Variants in PSME4 observed in about 807,000 individuals in gnomAD.
PSME4 encodes proteasome activator complex subunit 4.
Under a neutral mutation model 253.9 loss-of-function variants are expected in PSME4, and 89 were observed. That is an observed-to-expected ratio of 0.35 (90% confidence interval 0.30 to 0.42). The LOEUF is 0.42. Among genes scored for constraint, PSME4 ranks in the 10% least tolerant of loss-of-function variants. PSME4 has a pLI of 1.00. For missense variants in PSME4, 2,014 were observed against 2,195.2 expected, an observed-to-expected ratio of 0.92 and a Z score of 1.65; for synonymous variants, 851 against 759.2, an observed-to-expected ratio of 1.12 and a Z score of -1.99.
At chr2:53,919,713 T>C (rs1014337436) in intron 19 of PSME4, among the ~76,000 whole-genome samples, 1 of 152,232 alleles carries the variant, frequency 6.6e-6, no homozygotes, top group African/African-American at 2.4e-5. Flanking sequence ...AAATTTGTGG[T>C]GTTTGATACA....
In PSME4 at chr2:53,949,222, A is replaced by G. The variant is rs1344608307; in HGVS notation, c.304T>C (p.Leu102=). Reference sequence around the variant, plus strand: ...TTTGGAATTGATACCAGCTCATACAATAACTTAATAAAAAGAACATGATCT... The same window carrying G: ...TTTGGAATTGATACCAGCTCATACAGTAACTTAATAAAAAGAACATGATCT... ...KEDHVLFIKL[L]YELVSIPKLE... is the part of the protein sequence containing the mutation. The change falls in exon 2 of 47, where the codon TTG becomes CTG. Residue 102 remains leucine (L), a synonymous_variant. Transcript: ENST00000404125. 1 of 1,611,538 alleles carries G rather than the reference A, an allele frequency of 6.2e-7. No homozygotes were observed. Among genetic ancestry groups the G allele is most frequent in the Non-Finnish European group, 8.5e-7 (1 of 1,178,732 alleles).
At position 53,892,914 on chromosome 2, in the gene PSME4, G is replaced by C. The variant is rs563682652; in HGVS notation, c.4085C>G (p.Pro1362Arg). The change falls in exon 36 of 47, where the codon CCC becomes CGC. Residue 1362 changes from proline to arginine, a missense_variant. Around this residue, in one of 4 missense-constraint regions of PSME4, gnomAD observed 989 missense variants for 1,021.1 expected, o/e 0.97. Coordinates refer to ENST00000404125, the MANE Select transcript of PSME4 (RefSeq NM_014614.3). ...ATCTGCAACCAAATGTTCTAAATGG[G>C]GCTTCAGAACTGGCAGGAAGGCATC... Reference protein sequence around the residue: ...FDDAFLPVLKPHLEHLVADSH... With the variant: ...FDDAFLPVLKRHLEHLVADSH... 6.2e-7 allele frequency: 1 copy of C among 1,613,562 alleles called. No homozygotes were observed. Among genetic ancestry groups the C allele is most frequent in the South Asian group, 1.1e-5 (1 of 91,022 alleles).
chr2:53,925,769 T>C lies in PSME4; in HGVS notation c.1659-80A>G. On this transcript the variant is annotated intron_variant, in intron 13 of 46. Transcript: ENST00000404125. ...TTGGTGGTCATCAGGTAACTCTCTA[T>C]TGTCCTAATTATTCAAGTGATAGCT... 3 of 1,402,624 alleles carry C rather than the reference T, an allele frequency of 2.1e-6. No individual in the cohort carries two copies. The South Asian group carries it at 3.8e-5, about 18-fold the overall frequency. 86.9% of individuals were successfully genotyped at this position (1,402,624 alleles called of 1,614,324 possible). A position where few individuals can be genotyped will look rare whatever the true frequency, so the allele number is the denominator to read the frequency against.
At chr2:53,936,900 T>G in intron 5 of PSME4, 73 bp from the exon 6 acceptor site, 1 of 1,011,078 alleles carries the variant, frequency 9.9e-7, no homozygotes, top group Non-Finnish European at 1.5e-6. Flanking sequence ...GCTTTGTCTT[T>G]TTTATAATCT....
intron 1 of PSME4, among the ~76,000 whole-genome samples, chr2:53,951,391 A>G (rs1262873662): frequency 1.3e-5 from 2 of 152,136 alleles, no homozygotes; most frequent in African/African-American, 4.8e-5. Context: ...ACTTACATTT[A>G]ATTTCTAAAG....
intron 42 of PSME4, among the ~76,000 whole-genome samples, chr2:53,874,998 G>C (rs1430092775): frequency 6.6e-6 from 1 of 152,188 alleles, no homozygotes; most frequent in Non-Finnish European, 1.5e-5. Context: ...ACAAGAGACA[G>C]TCATGATTAA....
intron 6 of PSME4, 41 bp from the exon 7 acceptor site, chr2:53,936,202 T>A: frequency 1.2e-6 from 2 of 1,610,340 alleles, no homozygotes; most frequent in Non-Finnish European, 1.7e-6. Flanking sequence ...ATATTTGTTG[T>A]TATTGTTTAA....
At chr2:53,936,981 G>A (rs1185319438) in intron 5 of PSME4, among the ~76,000 whole-genome samples, 154 bp from the exon 6 acceptor site, 1 of 151,970 alleles carries the variant, frequency 6.6e-6, no homozygotes, top group East Asian at 1.9e-4. Flanking sequence ...AAAACAAAGG[G>A]GTATTTCTTG....
rs1312133311 is a variant in PSME4, at chr2:53,906,534, G to A, written c.2943+64C>T. ...ATTTAAACTCTCTTCTTAAAAGGGG[G>A]ATATTAAGATTGCATGTAATAAAAT... On this transcript the variant is annotated intron_variant, in intron 26 of 46. Transcript: ENST00000404125. 10 of 1,433,780 alleles carry A rather than the reference G, an allele frequency of 7.0e-6. No homozygotes were observed. The East Asian group carries it at 2.2e-4, about 31-fold the overall frequency. 88.8% of individuals were successfully genotyped at this position (1,433,780 alleles called of 1,614,324 possible).
intron 24 of PSME4, 133 bp downstream of exon 24, chr2:53,908,187 C>T: frequency 1.5e-6 from 1 of 653,356 alleles, no homozygotes; most frequent in Non-Finnish European, 2.5e-6. Context: ...ATGTTTTTAA[C>T]TTTTACATAC....
intron 43 of PSME4, chr2:53,869,779 T>C: frequency 3.3e-6 from 1 of 301,840 alleles, no homozygotes; most frequent in South Asian, 1.4e-4. Context: ...TTTAGCAAAA[T>C]TAAATTTCTC....
intron 36 of PSME4, among the ~76,000 whole-genome samples, chr2:53,890,716 CT>C (rs965316901): frequency 4.6e-5 from 7 of 152,228 alleles, no homozygotes; most frequent in African/African-American, 1.7e-4. Flanking sequence ...AGAGTAAATA[CT>C]TTGCATGGCG....
At chr2:53,888,877 C>T in intron 37 of PSME4, 65 bp from the exon 38 acceptor site, 1 of 1,252,530 alleles carries the variant, frequency 8.0e-7, no homozygotes, top group Non-Finnish European at 1.2e-6. Context: ...AAATCATACT[C>T]AGTTATTTAA....
At chr2:53,923,188 C>T in intron 15 of PSME4, 70 bp from the exon 16 acceptor site, 1 of 1,479,424 alleles carries the variant, frequency 6.8e-7, no homozygotes, top group Non-Finnish European at 9.2e-7. Context: ...TTTTCAGTGG[C>T]AGTAAAAGGC....
intron 1 of PSME4, 137 bp from the exon 2 acceptor site, chr2:53,949,420 T>C (rs892865417): frequency 6.1e-6 from 3 of 488,114 alleles, no homozygotes; most frequent in East Asian, 3.3e-5. Context: ...AAGGAAAATG[T>C]GGCATATACA....
intron 17 of PSME4, among the ~76,000 whole-genome samples, chr2:53,921,780 A>G (rs1173800181): frequency 2.9e-5 from 4 of 139,726 alleles, no homozygotes; most frequent in Admixed American, 2.1e-4. Flanking sequence ...AGGCAGGAGA[A>G]TGGCGTGAAC....
At chr2:53,952,783 G>A (rs1158609342) in intron 1 of PSME4, among the ~76,000 whole-genome samples, 1 of 152,184 alleles carries the variant, frequency 6.6e-6, no homozygotes, top group Non-Finnish European at 1.5e-5. Flanking sequence ...CTGACAGGAG[G>A]TGGACCTCAG....
chr2:53,962,185 G>A (rs574094157), intron 1 of PSME4, among the ~76,000 whole-genome samples: 1 of 152,288 alleles, frequency 6.6e-6, no homozygotes, highest in African/African-American at 2.4e-5. Flanking sequence ...ATGTTTGCAA[G>A]GGTCTTTGAA....
chr2:53,934,839 G>A (rs985875131), intron 7 of PSME4, 112 bp from the exon 8 acceptor site: 18 of 828,452 alleles, frequency 2.2e-5, no homozygotes, highest in Admixed American at 5.8e-5. Flanking sequence ...TATCACAAGG[G>A]TTTTTAAGTG....
Sources: gnomAD v4.1 joint callset for allele counts (sites outside exome capture counted in the v4.1 genomes callset) on GRCh38, gnomAD v4.1.1 for gene constraint, gnomAD v4.1.1 regional missense constraint, MANE v1.5 for transcripts, NCBI Gene and HGNC (gene_info 2026-07-23, HGNC 2026-07-21) for gene names.